The following ARHGEF18 variants were observed in gnomAD, a reference collection of about 807,000 sequenced individuals.
The protein encoded by ARHGEF18 is rho guanine nucleotide exchange factor 18.
In ARHGEF18, 93 loss-of-function variants were observed where a neutral mutation model predicts 155.7. The observed-to-expected ratio is 0.60, with a 90% CI of 0.50 to 0.71. The LOEUF (loss-of-function observed/expected upper bound fraction) is 0.71, where lower values mean the gene tolerates loss of function less well. Among genes scored for constraint, ARHGEF18 ranks in the 30% least tolerant of loss-of-function variants. The pLI is 0.00. For missense variants in ARHGEF18, 1,593 were observed against 1,816.1 expected, an observed-to-expected ratio of 0.88 and a Z score of 2.23; for synonymous variants, 742 against 753.1, an observed-to-expected ratio of 0.99 and a Z score of 0.24.
intron 10 of ARHGEF18, among the ~76,000 whole-genome samples, chr19:7,389,588 C>A (rs1000270484): frequency 6.7e-6 from 1 of 149,476 alleles, no homozygotes; most frequent in Non-Finnish European, 1.5e-5. Flanking sequence ...GGCTGGAGTG[C>A]AGTGGCACAA....
chr19:7,440,450 A>C lies in ARHGEF18; in HGVS notation c.1074A>C (p.Thr358=). ...CTCAGAAAGGGGGTCCCCAGCCAAC[A>C]CCGAGCCCGGCTGGCCCTGGGACGC... The part of the protein sequence containing the change: ...TVSQKGGPQP[T]PSPAGPGTQL... The change falls in exon 11 of 29, where the codon ACA becomes ACC. Residue 358 remains threonine (T), a synonymous_variant. Coordinates refer to ENST00000668164, the MANE Select transcript of ARHGEF18 (RefSeq NM_001367823.1). The surrounding 1 kb of genome is among the most constrained non-coding windows in gnomAD (Gnocchi z 5.4). 4 of 1,600,168 alleles carry C rather than the reference A, an allele frequency of 2.5e-6. No homozygotes were observed. Among genetic ancestry groups the C allele is most frequent in the Non-Finnish European group, 3.4e-6 (4 of 1,179,710 alleles).
rs1168254663 is a variant in ARHGEF18 at position 7,470,599 on chromosome 19, C to T, written c.*301C>T. 7.6e-6 allele frequency: 3 copies of T among 397,350 alleles called. No homozygotes were observed. The highest frequency in any genetic ancestry group is 8.8e-6 in the Non-Finnish European group (2 of 226,046). 24.6% of individuals were successfully genotyped at this position (397,350 alleles called of 1,614,324 possible). ...AGGGAGCTGTCTGAAATCATAGCAC[C>T]CCATCCGGGTGGCGGGGAGATCAAC... On this transcript the variant is annotated 3_prime_UTR_variant, in exon 29 of 29. Coordinates refer to ENST00000668164, the MANE Select transcript of ARHGEF18 (RefSeq NM_001367823.1). This position sits in a 1 kb window ranked among gnomAD's most constrained non-coding sequence, Gnocchi z 5.9.
intron 20 of ARHGEF18, among the ~76,000 whole-genome samples, chr19:7,460,428 C>T (rs915759757): frequency 1.1e-4 from 16 of 152,166 alleles, no homozygotes; most frequent in African/African-American, 3.9e-4. Flanking sequence ...AGCACTCACC[C>T]TCCCAAGCGT....
Position 7,444,788 on chromosome 19 carries a change from G to C in ARHGEF18, c.1611+334G>C, listed in dbSNP as rs975705567. Among the ~76,000 whole-genome samples the C allele has an allele frequency of 1.3e-5, 2 of 152,144 alleles. No homozygotes were observed. The highest frequency in any genetic ancestry group is 4.8e-5 in the African/African-American group (2 of 41,438). ...CCTTCCACGTAGCTGGGACTCCAGG[G>C]AACACCATGCCTGGCTAACTTTTTA... is the stretch of plus-strand genomic sequence containing the variant. On this transcript the variant is annotated intron_variant, in intron 14 of 28. Transcript: ENST00000668164. The surrounding 1 kb of genome is among the most constrained non-coding windows in gnomAD (Gnocchi z 4.7).
chr19:7,380,207 A>G (rs867934885), intron 7 of ARHGEF18, among the ~76,000 whole-genome samples: 51 of 151,486 alleles, frequency 3.4e-4, no homozygotes, highest in Middle Eastern at 3.5e-3. Context: ...GGCTGGGCGC[A>G]GTGGCTCACA....
chr19:7,417,607 C>T (rs993757175), intron 10 of ARHGEF18, among the ~76,000 whole-genome samples: 1 of 152,128 alleles, frequency 6.6e-6, no homozygotes, highest in African/African-American at 2.4e-5. Context: ...TGAGGCATGA[C>T]AATCACCTGA....
intron 13 of ARHGEF18, among the ~76,000 whole-genome samples, chr19:7,443,883 G>A (rs8108919): frequency 0.23 from 34,198 of 151,002 alleles, 4,024 homozygotes; most frequent in Admixed American, 0.24. Context: ...CAGCCTGGGC[G>A]ACAGAGCAAG....
intron 19 of ARHGEF18, 115 bp downstream of exon 19, chr19:7,458,805 G>A: frequency 1.6e-6 from 2 of 1,246,228 alleles, no homozygotes; most frequent in Non-Finnish European, 2.2e-6. Flanking sequence ...TCCCAGCTTG[G>A]GACCCATGAC....
rs536743071 is a variant in ARHGEF18 at position 7,353,284 on chromosome 19, C to T, written c.-111+4043C>T. Among the ~76,000 whole-genome samples the T allele has an allele frequency of 2.6e-5, 4 of 151,994 alleles. No individual in the cohort carries two copies. In the South Asian group the frequency reaches 6.2e-4, roughly 24 times the overall value. ...AATAAATCTGCAATAAGCTAGCCTG[C>T]CATCATTAGAAATACATATTCCAGC... On this transcript the variant is annotated intron_variant, in intron 1 of 28. Coordinates refer to ENST00000668164, the MANE Select transcript of ARHGEF18 (RefSeq NM_001367823.1).
intron 1 of ARHGEF18, chr19:7,355,666 C>T (rs1027259671): frequency 1.0e-6 from 1 of 985,486 alleles, no homozygotes; most frequent in Non-Finnish European, 1.2e-6. Context: ...GGCCGGCCTT[C>T]TCCAAGCTGT....
Position 7,467,701 on chromosome 19 carries a change from C to A in ARHGEF18, c.3480+17C>A. ...CTGGCCGAGGTGAGCGCGCAGCAGCCAGTGTGCGCAGGTTGGGGGTGACCG... is the reference window on the plus strand; with the variant it reads ...CTGGCCGAGGTGAGCGCGCAGCAGCAAGTGTGCGCAGGTTGGGGGTGACCG... On this transcript the variant is annotated intron_variant, in intron 26 of 28. Transcript: ENST00000668164. The A allele has an allele frequency of 6.8e-7, 1 of 1,466,056 alleles. No individual in the cohort carries two copies. The highest frequency in any genetic ancestry group is 8.9e-7 in the Non-Finnish European group (1 of 1,118,474). The allele number at this position is 1,466,056 out of a possible 1,614,324, so 90.8% of individuals were successfully genotyped here.
chr19:7,368,157 T>A (rs186482757), intron 2 of ARHGEF18, among the ~76,000 whole-genome samples: 3 of 151,956 alleles, frequency 2.0e-5, no homozygotes, highest in African/African-American at 7.3e-5. Context: ...GTTATCTTTT[T>A]CCAACAGACA....
chr19:7,464,040 C>G, intron 22 of ARHGEF18, 85 bp downstream of exon 22: 1 of 1,452,478 alleles, frequency 6.9e-7, no homozygotes. Flanking sequence ...CTAGAACTTT[C>G]TTTTTTGTTG....
chr19:7,385,148 T>C (rs1455062901), intron 10 of ARHGEF18, among the ~76,000 whole-genome samples: 4 of 152,174 alleles, frequency 2.6e-5, no homozygotes, highest in Non-Finnish European at 4.4e-5. Flanking sequence ...AAGGGGCAGA[T>C]AGAAGGTTGG....
rs1283805252 is a variant in ARHGEF18, at chr19:7,466,992, T to A, written c.2961+18T>A. 3.2e-5 allele frequency: 51 copies of A among 1,613,262 alleles called. No homozygotes were observed. The highest frequency in any genetic ancestry group is 4.1e-5 in the Non-Finnish European group (48 of 1,179,966). Reference sequence around the variant, plus strand: ...AGTCGGAGGTAGGCGCCCGCGGGTCTCCATCTCCCCAGGGCCTTGTGCACG... The same window carrying A: ...AGTCGGAGGTAGGCGCCCGCGGGTCACCATCTCCCCAGGGCCTTGTGCACG... On this transcript the variant is annotated intron_variant, in intron 24 of 28. Transcript: ENST00000668164.
At chr19:7,437,194 C>T (rs1197020617) in intron 10 of ARHGEF18, among the ~76,000 whole-genome samples, 4 of 151,972 alleles carry the variant, frequency 2.6e-5, no homozygotes, top group Non-Finnish European at 5.9e-5. Context: ...TTAGGGAGGC[C>T]GAGGTGGGTG....
At chr19:7,449,132 C>A (rs1975199546) in intron 15 of ARHGEF18, among the ~76,000 whole-genome samples, 1 of 152,130 alleles carries the variant, frequency 6.6e-6, no homozygotes, top group Non-Finnish European at 1.5e-5. Flanking sequence ...CCCACAGCGG[C>A]TCCGGGCCTC....
chr19:7,363,887 G>A (rs1402435908), intron 2 of ARHGEF18, among the ~76,000 whole-genome samples: 1 of 150,262 alleles, frequency 6.7e-6, no homozygotes, highest in Non-Finnish European at 1.5e-5. Context: ...AAGGAAGGGG[G>A]ATGGATGGAT....
At position 7,354,594 on chromosome 19, in the gene ARHGEF18, A is replaced by G. The variant is rs146197195; in HGVS notation, c.-111+5353A>G. Among the ~76,000 whole-genome samples the G allele has an allele frequency of 6.5e-3, 984 of 151,804 alleles. 14 individuals are homozygous for G. The highest frequency in any genetic ancestry group is 0.023 in the African/African-American group (947 of 41,374). The stretch of plus-strand genomic sequence containing the variant: ...GAGCACTCGTTGACACACACACACC[A>G]TACCCCACACTTGGGTACAGAGAGA... On this transcript the variant is annotated intron_variant, in intron 1 of 28. Coordinates refer to ENST00000668164, the MANE Select transcript of ARHGEF18 (RefSeq NM_001367823.1).
Sources: gnomAD v4.1 joint callset for allele counts (sites outside exome capture counted in the v4.1 genomes callset) on GRCh38, gnomAD v4.1.1 for gene constraint, Gnocchi (gnomAD v3.1) non-coding constraint, MANE v1.5 for transcripts, NCBI Gene and HGNC (gene_info 2026-07-23, HGNC 2026-07-21) for gene names.